RNF115: variants seen among roughly 807,000 people sequenced by gnomAD.
The protein encoded by RNF115 is E3 ubiquitin-protein ligase RNF115.
A neutral mutation model predicts 39.2 loss-of-function variants in RNF115; 31 were observed. The observed-to-expected ratio is 0.79, with a 90% CI of 0.59 to 1.07. The LOEUF is 1.07. Among genes scored for constraint, RNF115 ranks in the 50% least tolerant of loss-of-function variants. The pLI, the probability that RNF115 is intolerant of heterozygous loss-of-function variation, is 0.00. For missense variants in RNF115, 384 were observed against 381.7 expected (o/e 1.01, Z -0.05); for synonymous variants, 124 against 131.0 (o/e 0.95, Z 0.37).
At chr1:145,785,036 CTGG>C (rs1233446169) in intron 2 of RNF115, among the ~76,000 whole-genome samples, 2 of 152,156 alleles carry the variant, frequency 1.3e-5, no homozygotes, top group Admixed American at 1.3e-4. Context: ...TGTAAGGGGC[CTGG>C]TACTGTATTT....
At position 145,745,285 on chromosome 1, in the gene RNF115, A is replaced by T. The variant is rs1657828558; in HGVS notation, c.*1581T>A. The T allele has an allele frequency of 6.6e-6, 1 of 152,168 alleles. No individual in the cohort carries two copies. The highest frequency in any genetic ancestry group is 2.1e-4 in the South Asian group (1 of 4,816). 9.4% of individuals were successfully genotyped at this position (152,168 alleles called of 1,614,324 possible). A position where few individuals can be genotyped will look rare whatever the true frequency, so the allele number is the denominator to read the frequency against. ...AACACGGCAAAACCCTATCTCTACAAAAATACAAAAATTACCCAGGCATGG... is the reference window on the plus strand; with the variant it reads ...AACACGGCAAAACCCTATCTCTACATAAATACAAAAATTACCCAGGCATGG... On this transcript the variant is annotated 3_prime_UTR_variant, in exon 9 of 9. Transcript: ENST00000582693.
intron 4 of RNF115, among the ~76,000 whole-genome samples, chr1:145,765,525 G>T (rs1449173703): frequency 1.3e-5 from 2 of 151,984 alleles, no homozygotes; most frequent in African/African-American, 4.8e-5. Flanking sequence ...CAATTTCCTT[G>T]CTGATTCTAT....
chr1:145,773,920 C>G (rs182836081), intron 3 of RNF115: 1 of 152,194 alleles, frequency 6.6e-6, no homozygotes, highest in East Asian at 1.9e-4. Flanking sequence ...AATCAGGCAC[C>G]AGCATGGGGA....
In RNF115 at chr1:145,794,484, G is replaced by C. The variant is rs1396385486; in HGVS notation, c.103-5518C>G. Reference sequence around the variant, plus strand: ...ATTTCCCTAACTTTCTGCATGGCAAGGGGCATCTAATCTCTTTCTTTTTTT... The same window carrying C: ...ATTTCCCTAACTTTCTGCATGGCAACGGGCATCTAATCTCTTTCTTTTTTT... On this transcript the variant is annotated intron_variant, in intron 1 of 8. Transcript: ENST00000582693. Among the ~76,000 whole-genome samples, 3 of 150,516 alleles carry C rather than the reference G, an allele frequency of 2.0e-5. No individual in the cohort carries two copies. The South Asian group carries it at 6.3e-4, about 32-fold the overall frequency.
At chr1:145,821,675 C>T (rs1180510226) in intron 1 of RNF115, among the ~76,000 whole-genome samples, 4,866 of 65,678 alleles carry the variant, frequency 0.074, no homozygotes, top group African/African-American at 0.12. Context: ...TCCATGTTGC[C>T]CAGGCTAGTC....
intron 1 of RNF115, among the ~76,000 whole-genome samples, chr1:145,803,818 C>CA (rs1422176872): frequency 6.6e-6 from 1 of 152,206 alleles, no homozygotes; most frequent in Non-Finnish European, 1.5e-5. Context: ...GGTCACAAGA[C>CA]AAAGTGTTAC....
intron 1 of RNF115, among the ~76,000 whole-genome samples, chr1:145,799,254 G>C (rs1649118475): frequency 6.6e-6 from 1 of 151,970 alleles, no homozygotes; most frequent in Non-Finnish European, 1.5e-5. Flanking sequence ...TTTTAGTAAA[G>C]ACGGGGTTTC....
At chr1:145,782,416 G>A (rs2101555175) in intron 3 of RNF115, among the ~76,000 whole-genome samples, 1 of 152,180 alleles carries the variant, frequency 6.6e-6, no homozygotes, top group Admixed American at 6.5e-5. Context: ...AAGCTCAGAA[G>A]TTCGAGTCCA....
At chr1:145,786,801 C>T (rs1648402553) in intron 2 of RNF115, among the ~76,000 whole-genome samples, 1 of 152,184 alleles carries the variant, frequency 6.6e-6, no homozygotes, top group Non-Finnish European at 1.5e-5. Context: ...AAACAAAAAG[C>T]TATCCCAAGT....
chr1:145,787,187 G>A (rs1249562938), intron 2 of RNF115: 7 of 441,534 alleles, frequency 1.6e-5, no homozygotes, highest in Non-Finnish European at 3.0e-5. Flanking sequence ...ATTTTCAGAC[G>A]AATGTTTAAC....
chr1:145,764,120 T>G (rs1255747570), intron 4 of RNF115, among the ~76,000 whole-genome samples: 1 of 152,226 alleles, frequency 6.6e-6, no homozygotes, highest in African/African-American at 2.4e-5. Context: ...TTCGCTGTGT[T>G]GGCCGGGCTG....
intron 4 of RNF115, among the ~76,000 whole-genome samples, chr1:145,763,093 A>G (rs887634519): frequency 1.4e-4 from 22 of 152,240 alleles, no homozygotes; most frequent in Non-Finnish European, 2.8e-4. Flanking sequence ...TAGAAGCCCA[A>G]ACCCCAGCAT....
chr1:145,753,841 C>T (rs782068274), intron 4 of RNF115, among the ~76,000 whole-genome samples: 6 of 152,092 alleles, frequency 3.9e-5, no homozygotes, highest in South Asian at 2.1e-4. Context: ...CTTAGCCTCC[C>T]GAGTAGCTGG....
At chr1:145,764,487 C>T (rs1471964446) in intron 4 of RNF115, among the ~76,000 whole-genome samples, 11 of 151,270 alleles carry the variant, frequency 7.3e-5, no homozygotes, top group African/African-American at 1.5e-4. Context: ...TGCCCGGCCG[C>T]GACCCCGTCT....
intron 5 of RNF115, among the ~76,000 whole-genome samples, chr1:145,752,393 C>T (rs1658118906): frequency 6.6e-6 from 1 of 151,992 alleles, no homozygotes; most frequent in Non-Finnish European, 1.5e-5. Context: ...TCATTCTCTA[C>T]CTCAATACAA....
At chr1:145,809,024 A>G (rs782588644) in intron 1 of RNF115, among the ~76,000 whole-genome samples, 1 of 151,914 alleles carries the variant, frequency 6.6e-6, no homozygotes, top group African/African-American at 2.4e-5. Flanking sequence ...TTATGGGATG[A>G]CTCCTCTTCT....
At chr1:145,755,429 G>A (rs1386288400) in intron 4 of RNF115, among the ~76,000 whole-genome samples, 1 of 152,060 alleles carries the variant, frequency 6.6e-6, no homozygotes, top group Non-Finnish European at 1.5e-5. Context: ...CTATACTGCA[G>A]CAATGGCCAA....
rs587716084 is a variant in RNF115, at chr1:145,805,828, A to G, written c.103-16862T>C. 8.5e-5 allele frequency among the ~76,000 whole-genome samples: 13 copies of G among 152,298 alleles called. No individual in the cohort carries two copies. In the East Asian group the frequency reaches 2.3e-3, roughly 27 times the overall value. On this transcript the variant is annotated intron_variant, in intron 1 of 8. Coordinates refer to ENST00000582693, the MANE Select transcript of RNF115 (RefSeq NM_014455.4). ...GGAAAATGAAGACCCTGAAAGGTTC[A>G]ATAATTTAACAGCTAAAATAAAACA...
rs587702273 is a variant in RNF115 at position 145,768,609 on chromosome 1, C to T, written c.428+3102G>A. ...GATTACAGGTGTGAGCCACCGCACC[C>T]GGCCATTAAATACAAAGTACTCTGT... On this transcript the variant is annotated intron_variant, in intron 4 of 8. Coordinates refer to ENST00000582693, the MANE Select transcript of RNF115 (RefSeq NM_014455.4). Among the ~76,000 whole-genome samples the T allele has an allele frequency of 2.0e-5, 3 of 152,200 alleles. 1 individual carries two copies. The highest frequency in any genetic ancestry group is 4.1e-4 in the South Asian group (2 of 4,820).
Sources: allele counts gnomAD v4.1 joint callset (sites outside exome capture counted in the v4.1 genomes callset), GRCh38; gene constraint gnomAD v4.1.1; transcripts MANE v1.5; gene names NCBI Gene and HGNC (gene_info 2026-07-23, HGNC 2026-07-21).